Variants in CCDC171 observed in about 807,000 individuals in gnomAD.
CCDC171 encodes coiled-coil domain-containing protein 171.
Under a neutral mutation model 168.2 loss-of-function variants are expected in CCDC171, and 177 were observed. The ratio of observed to expected loss-of-function variants is 1.05; its 90% CI spans 0.93 to 1.19. The LOEUF (loss-of-function observed/expected upper bound fraction) is 1.19. Ranked by LOEUF, CCDC171 falls within the 50% of genes most tolerant of loss-of-function variation. The pLI, the probability that CCDC171 is intolerant of heterozygous loss-of-function variation, is 0.00. For synonymous variants in CCDC171, 687 were observed against 540.8 expected (o/e 1.27, Z -3.75); for missense variants, 1,991 against 1,539.0 (o/e 1.29, Z -4.91).
rs1268857232 is a variant in CCDC171 at position 15,973,122 on chromosome 9, A to G, written c.*1286A>G. On this transcript the variant is annotated 3_prime_UTR_variant, in exon 26 of 26. Transcript: ENST00000380701. The stretch of plus-strand genomic sequence containing the variant: ...TTGCAGTTTGCATCATGGTAAGTGA[A>G]GAACAAAAGAATATTTGTAGTAAGA... The G allele has an allele frequency of 6.6e-6, 1 of 152,248 alleles. No individual in the cohort carries two copies. 9.4% of individuals were successfully genotyped at this position (152,248 alleles called of 1,614,324 possible).
intron 21 of CCDC171, among the ~76,000 whole-genome samples, chr9:15,793,812 G>C (rs887558025): frequency 6.6e-6 from 1 of 151,958 alleles, no homozygotes; most frequent in African/African-American, 2.4e-5. Context: ...CTCCCAAAGT[G>C]CTGGGATTAT....
intron 24 of CCDC171, among the ~76,000 whole-genome samples, chr9:15,913,781 T>G (rs938837107): frequency 1.3e-5 from 2 of 152,232 alleles, no homozygotes; most frequent in Admixed American, 1.3e-4. Flanking sequence ...AGTGGATTTG[T>G]CTACCTTTTG....
At chr9:15,734,721 T>C (rs2054375786) in intron 16 of CCDC171, among the ~76,000 whole-genome samples, 1 of 152,184 alleles carries the variant, frequency 6.6e-6, no homozygotes, top group African/African-American at 2.4e-5. Context: ...TAGGAAATTT[T>C]GTTATGATTA....
chr9:15,719,998 A>G (rs1380843343), intron 11 of CCDC171, among the ~76,000 whole-genome samples: 1 of 152,070 alleles, frequency 6.6e-6, no homozygotes, highest in Non-Finnish European at 1.5e-5. Flanking sequence ...CTCCTCTATT[A>G]TCATGGCTCA....
chr9:15,765,487 A>T (rs759810987), intron 18 of CCDC171, among the ~76,000 whole-genome samples: 1 of 152,198 alleles, frequency 6.6e-6, no homozygotes, highest in Non-Finnish European at 1.5e-5. Flanking sequence ...CAGTTCAGGC[A>T]TTGTAACAGG....
intron 3 of CCDC171, among the ~76,000 whole-genome samples, chr9:16,011,086 C>G (rs376025341): frequency 1.5e-4 from 23 of 152,302 alleles, no homozygotes; most frequent in African/African-American, 5.3e-4. Flanking sequence ...TTACTAGAAG[C>G]CTCTTTAATG....
intron 6 of CCDC171, among the ~76,000 whole-genome samples, chr9:15,617,136 T>C (rs959672234): frequency 6.6e-6 from 1 of 152,252 alleles, no homozygotes; most frequent in Non-Finnish European, 1.5e-5. Flanking sequence ...TGTTAGAACA[T>C]GCTCCTTTAG....
Position 15,852,897 on chromosome 9 carries a change from A to T in CCDC171, c.3468+3950A>T, listed in dbSNP as rs149751429. Reference sequence around the variant, plus strand: ...CTCCTGTTGAAAATCAGTTGACTATAGATGTATAGGTTTATTTCTGGACTC... The same window carrying T: ...CTCCTGTTGAAAATCAGTTGACTATTGATGTATAGGTTTATTTCTGGACTC... On this transcript the variant is annotated intron_variant, in intron 23 of 25. Transcript: ENST00000380701. Among the ~76,000 whole-genome samples the T allele has an allele frequency of 5.7e-3, 860 of 151,774 alleles. 10 individuals carry two copies. Among genetic ancestry groups the T allele is most frequent in the African/African-American group, 0.02 (810 of 41,524 alleles).
chr9:15,893,342 T>G (rs917434171), intron 24 of CCDC171, among the ~76,000 whole-genome samples: 4 of 151,652 alleles, frequency 2.6e-5, no homozygotes, highest in African/African-American at 9.7e-5. Flanking sequence ...TAGAAGAAAA[T>G]CTAGGTAGTA....
intron 6 of CCDC171, among the ~76,000 whole-genome samples, chr9:15,621,124 A>G (rs555220661): frequency 1.3e-5 from 2 of 152,080 alleles, no homozygotes; most frequent in African/African-American, 4.8e-5. Context: ...GCGCCACCAC[A>G]TCTGGCTATG....
chr9:15,832,054 A>G (rs1407401821), intron 21 of CCDC171, among the ~76,000 whole-genome samples: 1 of 151,844 alleles, frequency 6.6e-6, no homozygotes, highest in Non-Finnish European at 1.5e-5. Flanking sequence ...CTTACAAGGA[A>G]TTTTCCTTAG....
At chr9:15,571,264 A>G (rs1354296338) in intron 2 of CCDC171, among the ~76,000 whole-genome samples, 2 of 152,294 alleles carry the variant, frequency 1.3e-5, no homozygotes, top group Admixed American at 1.3e-4. Context: ...TGTATTATGT[A>G]TTACATTTGC....
intron 3 of CCDC171, among the ~76,000 whole-genome samples, chr9:15,993,214 G>C (rs12004622): frequency 0.07 from 10,461 of 150,196 alleles, 1,238 homozygotes; most frequent in African/African-American, 0.25. Context: ...GCTACAGTAA[G>C]CAAAACAGCA....
At chr9:15,946,086 G>T (rs1487881936) in intron 25 of CCDC171, among the ~76,000 whole-genome samples, 1 of 151,892 alleles carries the variant, frequency 6.6e-6, no homozygotes, top group Non-Finnish European at 1.5e-5. Context: ...TCCAGTTTCA[G>T]CTTTCTACAT....
intron 25 of CCDC171, among the ~76,000 whole-genome samples, chr9:15,932,662 G>A (rs565588329): frequency 6.6e-6 from 1 of 152,004 alleles, no homozygotes; most frequent in African/African-American, 2.4e-5. Flanking sequence ...TAGAAGTGGC[G>A]AATGTGGATG....
chr9:15,592,581 A>G (rs778778870), intron 5 of CCDC171, among the ~76,000 whole-genome samples: 1 of 152,054 alleles, frequency 6.6e-6, no homozygotes, highest in Non-Finnish European at 1.5e-5. Context: ...TCTTTTGTTT[A>G]CTACTGTATT....
chr9:15,982,821 G>T (rs909482147), intron 3 of CCDC171, among the ~76,000 whole-genome samples: 1 of 152,068 alleles, frequency 6.6e-6, no homozygotes, highest in African/African-American at 2.4e-5. Context: ...ACTCTTCTGT[G>T]TCCAGAGAGA....
At chr9:16,068,778 C>T in the CCDC171 span, among the ~76,000 whole-genome samples, 7 of 152,022 alleles carry the variant, frequency 4.6e-5, no homozygotes, top group East Asian at 5.8e-4. Flanking sequence ...TGCCAGGATA[C>T]GATGTATTCT....
chr9:15,661,388 G>C (rs936995551), intron 8 of CCDC171, among the ~76,000 whole-genome samples: 18 of 151,492 alleles, frequency 1.2e-4, no homozygotes, highest in Non-Finnish European at 2.5e-4. Context: ...GTTTTTCATT[G>C]TAGTTGTGAT....
Sources: gnomAD v4.1 joint callset for allele counts (sites outside exome capture counted in the v4.1 genomes callset) on GRCh38, gnomAD v4.1.1 for gene constraint, MANE v1.5 for transcripts, NCBI Gene and HGNC (gene_info 2026-07-23, HGNC 2026-07-21) for gene names.